SYTL5: variants seen among roughly 807,000 people sequenced by gnomAD.
The protein encoded by SYTL5 is synaptotagmin-like protein 5.
SYTL5 carries 34 observed loss-of-function variants against 55.9 expected under a neutral mutation model. The observed-to-expected ratio is 0.61, with a 90% CI of 0.46 to 0.81. The LOEUF (loss-of-function observed/expected upper bound fraction) is 0.81, where lower values mean the gene tolerates loss of function less well. Ranked by LOEUF, SYTL5 falls within the 30% of genes least tolerant of loss-of-function variation. The pLI, the probability that SYTL5 is intolerant of heterozygous loss-of-function variation, is 0.00. For missense variants in SYTL5, 637 were observed against 546.7 expected, an observed-to-expected ratio of 1.17 and a Z score of -1.65; for synonymous variants, 221 against 188.7, an observed-to-expected ratio of 1.17 and a Z score of -1.40.
At chrX:38,067,706 A>C (rs1459070982) in intron 3 of SYTL5, among the ~76,000 whole-genome samples, 1 of 111,644 alleles carries the variant, frequency 9.0e-6, no homozygotes, top group Non-Finnish European at 1.9e-5. Flanking sequence ...CCTATTTAAT[A>C]AATGGTGCTG....
intron 3 of SYTL5, among the ~76,000 whole-genome samples, chrX:38,057,139 C>A (rs949222375): frequency 7.2e-5 from 8 of 111,436 alleles, no homozygotes; most frequent in African/African-American, 2.0e-4. Flanking sequence ...AGTATTTAAT[C>A]CACTCTGATT....
chrX:38,000,564 C>CA, the SYTL5 span, among the ~76,000 whole-genome samples: 9 of 111,891 alleles, frequency 8.0e-5, no homozygotes, highest in East Asian at 2.5e-3. Flanking sequence ...GATGAAGCCT[C>CA]AGTAGGCATG....
chrX:38,082,754 G>T (rs2053309202), intron 6 of SYTL5, among the ~76,000 whole-genome samples: 1 of 111,871 alleles, frequency 8.9e-6, no homozygotes, highest in Admixed American at 9.5e-5. Flanking sequence ...GACTTGGCCA[G>T]GTAAAGAAAG....
chrX:37,969,702 G>A, the SYTL5 span, among the ~76,000 whole-genome samples: 3,163 of 109,751 alleles, frequency 0.029, 100 homozygotes, highest in African/African-American at 0.099. Context: ...GTGAGATCTC[G>A]GCTCACTGCA....
At chrX:38,024,967 G>C (rs959750416) in intron 1 of SYTL5, among the ~76,000 whole-genome samples, 4 of 111,482 alleles carry the variant, frequency 3.6e-5, no homozygotes, top group Non-Finnish European at 5.7e-5. Context: ...ATCTCTCTTT[G>C]AGTCATTCAG....
At chrX:37,927,526 A>AGAACTTTG in the SYTL5 span, among the ~76,000 whole-genome samples, 2 of 110,999 alleles carry the variant, frequency 1.8e-5, no homozygotes, top group Non-Finnish European at 3.8e-5. Context: ...CTGTAATCCC[A>AGAACTTTG]GAACTTTGGG....
At chrX:37,959,246 G>A in the SYTL5 span, among the ~76,000 whole-genome samples, 1 of 111,583 alleles carries the variant, frequency 9.0e-6, no homozygotes, top group African/African-American at 3.3e-5. Flanking sequence ...CCTAAACGAC[G>A]GATGAATAAA....
chrX:37,899,104 G>A, the SYTL5 span, among the ~76,000 whole-genome samples: 1 of 112,190 alleles, frequency 8.9e-6, no homozygotes, highest in Non-Finnish European at 1.9e-5. Flanking sequence ...TACCAAGGAA[G>A]AAAATATAAG....
At chrX:38,115,408 C>T (rs1035658146) in intron 13 of SYTL5, among the ~76,000 whole-genome samples, 11 of 86,336 alleles carry the variant, frequency 1.3e-4, no homozygotes, top group South Asian at 1.3e-3. Flanking sequence ...GGCGTGAACC[C>T]GGGAGGCGGA....
intron 2 of SYTL5, among the ~76,000 whole-genome samples, chrX:38,039,105 G>A (rs1935203541): frequency 9.0e-6 from 1 of 111,489 alleles, no homozygotes; most frequent in Admixed American, 9.5e-5. Context: ...TCATCAGCTG[G>A]GGAATAGGCA....
At chrX:38,106,838 T>G in intron 11 of SYTL5, 67 bp downstream of exon 11, 1 of 930,674 alleles carries the variant, frequency 1.1e-6, no homozygotes, top group East Asian at 3.5e-5. Flanking sequence ...GTGTGTTTCC[T>G]TTTCAAAAGA....
chrX:38,007,426 A>G (rs1281705255), intron 1 of SYTL5, among the ~76,000 whole-genome samples: 1 of 111,708 alleles, frequency 9.0e-6, no homozygotes, highest in Non-Finnish European at 1.9e-5. Context: ...GTAATTTTAC[A>G]ACTATTAATA....
At position 38,106,280 on chromosome X, in the gene SYTL5, G is replaced by C. The variant is rs180855113; in HGVS notation, c.1156-313G>C. Reference sequence around the variant, plus strand: ...CAGAGATAGACGAGAAGTGAGATTTGAAATGCCTCAATTACCCTGTATTCA... The same window carrying C: ...CAGAGATAGACGAGAAGTGAGATTTCAAATGCCTCAATTACCCTGTATTCA... On this transcript the variant is annotated intron_variant, in intron 10 of 16. Coordinates refer to ENST00000297875, the MANE Select transcript of SYTL5 (RefSeq NM_138780.3). Among the ~76,000 whole-genome samples, 12 of 112,225 alleles carry C rather than the reference G, an allele frequency of 1.1e-4. No homozygotes were observed. The Admixed American group carries it at 1.1e-3, about 11-fold the overall frequency.
the SYTL5 span, among the ~76,000 whole-genome samples, chrX:37,977,217 A>G: frequency 1.8e-5 from 2 of 111,081 alleles, no homozygotes; most frequent in Non-Finnish European, 3.8e-5. Context: ...TGCAAGAACA[A>G]TGATTTCAAT....
chrX:38,081,420 C>CAA (rs1181840197), intron 6 of SYTL5, among the ~76,000 whole-genome samples: 1 of 104,190 alleles, frequency 9.6e-6, no homozygotes, highest in Non-Finnish European at 2.0e-5. Context: ...TCTGAAGTTG[C>CAA]AAAAAAAAAA....
intron 2 of SYTL5, among the ~76,000 whole-genome samples, chrX:38,051,054 G>C (rs1241086175): frequency 8.9e-6 from 1 of 111,806 alleles, no homozygotes; most frequent in Non-Finnish European, 1.9e-5. Flanking sequence ...CTACTGTTTT[G>C]GGTGATGGAA....
chrX:38,067,581 C>T (rs1206480757), intron 3 of SYTL5, among the ~76,000 whole-genome samples: 1 of 111,695 alleles, frequency 9.0e-6, no homozygotes, highest in Non-Finnish European at 1.9e-5. Flanking sequence ...TCTACCGCTG[C>T]AACCACTTAG....
chrX:38,058,279 C>T (rs1034152553), intron 3 of SYTL5, among the ~76,000 whole-genome samples: 34 of 111,088 alleles, frequency 3.1e-4, no homozygotes, highest in African/African-American at 1.1e-3. Flanking sequence ...TCTGCATATC[C>T]AATCAGATAT....
intron 10 of SYTL5, among the ~76,000 whole-genome samples, chrX:38,105,763 A>G (rs1937194584): frequency 8.9e-6 from 1 of 112,409 alleles, no homozygotes; most frequent in African/African-American, 3.2e-5. Flanking sequence ...GCAGTTGACC[A>G]TGGGTAGCTG....
Sources: gnomAD v4.1 joint callset for allele counts (sites outside exome capture counted in the v4.1 genomes callset) on GRCh38, gnomAD v4.1.1 for gene constraint, MANE v1.5 for transcripts, NCBI Gene and HGNC (gene_info 2026-07-23, HGNC 2026-07-21) for gene names.